HCN4: variants seen among roughly 807,000 people sequenced by gnomAD.
The protein encoded by HCN4 is potassium/sodium hyperpolarization-activated cyclic nucleotide-gated channel 4.
HCN4 carries 29 observed loss-of-function variants against 76.9 expected under a neutral mutation model. The observed-to-expected ratio is 0.38, with a 90% confidence interval of 0.28 to 0.51. The LOEUF (loss-of-function observed/expected upper bound fraction) is 0.51. HCN4 is among the 20% of genes least tolerant of loss of function. The pLI, the probability that HCN4 is intolerant of heterozygous loss-of-function variation, is 0.90. For synonymous variants in HCN4, 772 were observed against 762.5 expected, an observed-to-expected ratio of 1.01 and a Z score of -0.21; for missense variants, 1,416 against 1,715.2, an observed-to-expected ratio of 0.83 and a Z score of 3.08.
At chr15:73,366,707 C>G (rs376988474) in intron 1 of HCN4, among the ~76,000 whole-genome samples, 4 of 152,318 alleles carry the variant, frequency 2.6e-5, no homozygotes, top group East Asian at 3.9e-4. Flanking sequence ...TGGGGACCCA[C>G]GAGTGGCCCA....
intron 1 of HCN4, among the ~76,000 whole-genome samples, chr15:73,366,804 C>A (rs2043130274): frequency 6.6e-6 from 1 of 152,226 alleles, no homozygotes; most frequent in Non-Finnish European, 1.5e-5. Context: ...AGCTGCTCAT[C>A]AGTCAGAACA....
intron 4 of HCN4, among the ~76,000 whole-genome samples, chr15:73,329,216 CGA>C (rs1476131958): frequency 1.3e-5 from 2 of 152,114 alleles, no homozygotes; most frequent in Non-Finnish European, 2.9e-5. Flanking sequence ...AGCAACACCG[CGA>C]GAGTGCGGTC....
At chr15:73,331,990 G>C (rs1441093522) in intron 3 of HCN4, 141 bp downstream of exon 3, 4 of 785,356 alleles carry the variant, frequency 5.1e-6, no homozygotes, top group East Asian at 2.6e-5. Context: ...GTACTGGGTA[G>C]AGCTATGTGC....
In HCN4 at chr15:73,322,915, G is replaced by T; in HGVS notation, c.3178C>A (p.Pro1060Thr). Residue 1060 changes from proline (P) to threonine (T), a missense_variant, in exon 8 of 8, where the codon CCC becomes ACC. Around this residue, in one of 6 missense-constraint regions of HCN4, gnomAD observed 633 missense variants for 579.8 expected, o/e 1.09. Transcript: ENST00000261917. ...CGCTGGGGGACCTGGGGTGGTGGGG[G>T]GCTGGATGCAGGTGGCAGGAGCAAG... The part of the protein sequence containing the change: ...GSLLLPPASS[P>T]PPPQVPQRRG... 3 of 1,401,476 alleles carry T rather than the reference G, an allele frequency of 2.1e-6. No individual in the cohort carries two copies. Among genetic ancestry groups the T allele is most frequent in the Non-Finnish European group, 2.8e-6 (3 of 1,060,192 alleles). 86.8% of individuals were successfully genotyped at this position (1,401,476 alleles called of 1,614,324 possible).
In HCN4 at chr15:73,323,779, C is replaced by T. The variant is rs776635828; in HGVS notation, c.2314G>A (p.Val772Ile). 16 of 1,607,690 alleles carry T rather than the reference C, an allele frequency of 1.0e-5. No homozygotes were observed. The highest frequency in any genetic ancestry group is 1.7e-4 in the Middle Eastern group (1 of 6,054). ...AASATPTPTP[V>I]IWTPLIQAPL... is the part of the protein sequence containing the mutation. ...GCCTGGATCAGCGGGGTCCAGATGACGGGCGTGGGGGTTGGGGTGGCAGAG... is the reference window on the plus strand; with the variant it reads ...GCCTGGATCAGCGGGGTCCAGATGATGGGCGTGGGGGTTGGGGTGGCAGAG... Residue 772 changes from valine (V) to isoleucine (I), a missense_variant, in exon 8 of 8, where the codon GTC becomes ATC. By Grantham distance (29) the Val-to-Ile change is conservative. Around this residue, in one of 6 missense-constraint regions of HCN4, gnomAD observed 241 missense variants for 379.4 expected, o/e 0.64. Coordinates refer to ENST00000261917, the MANE Select transcript of HCN4 (RefSeq NM_005477.3).
Position 73,341,069 on chromosome 15 carries a change from G to GGTGTGTGTGTGTGTGTGTGTGTGT in HCN4, c.1209+2292_1209+2315dup, listed in dbSNP as rs76504723. 5 of 145,902 alleles carry GGTGTGTGTGTGTGTGTGTGTGTGT rather than the reference G, an allele frequency of 3.4e-5. No individual in the cohort carries two copies. The East Asian group carries it at 7.9e-4, about 23-fold the overall frequency. 9.0% of individuals were successfully genotyped at this position (145,902 alleles called of 1,614,324 possible). ...AGACAACTTGGTGGGGAGGGAGGTA[G>GGTGTGTGTGTGTGTGTGTGTGTGT]GTGTGTGTGTGTGTGTGTGTGTGTG... On this transcript the variant is annotated intron_variant, in intron 2 of 7. Transcript: ENST00000261917.
intron 1 of HCN4, among the ~76,000 whole-genome samples, chr15:73,349,211 G>A (rs1431351751): frequency 6.6e-6 from 1 of 152,024 alleles, no homozygotes; most frequent in African/African-American, 2.4e-5. Context: ...CATTCCCTTG[G>A]TTTTCCAGAC....
rs963357522 is a variant in HCN4 at position 73,325,189 on chromosome 15, T to C, written c.1744A>G (p.Ile582Val). 6.2e-7 allele frequency: 1 copy of C among 1,614,070 alleles called. No homozygotes were observed. Among genetic ancestry groups the C allele is most frequent in the Non-Finnish European group, 8.5e-7 (1 of 1,179,960 alleles). ...ACCAGCTTCCGACAGTTAAAGTTGA[T>C]GATCTCCTGCCGGACAGGGTGGATT... ...ELSEPLREEI[I>V]NFNCRKLVAS... Residue 582 changes from isoleucine to valine, a missense_variant, in exon 6 of 8, where the codon ATC becomes GTC. Physicochemically the swap from Ile to Val is conservative, Grantham distance 29 (BLOSUM62 3). Coordinates refer to ENST00000261917, the MANE Select transcript of HCN4 (RefSeq NM_005477.3). This position sits in a 1 kb window ranked among gnomAD's most constrained non-coding sequence, Gnocchi z 7.4.
intron 2 of HCN4, among the ~76,000 whole-genome samples, chr15:73,339,282 C>T (rs769615423): frequency 6.6e-4 from 101 of 152,330 alleles, no homozygotes; most frequent in Non-Finnish European, 1.1e-3. Context: ...AAGAGGCTTG[C>T]ATCCTCCAAG....
chr15:73,368,779 C>CCCGGCCCGT lies in HCN4; in HGVS notation c.-518_-510dup, dbSNP rs988455134. On this transcript the variant is annotated 5_prime_UTR_variant, in exon 1 of 8. Coordinates refer to ENST00000261917, the MANE Select transcript of HCN4 (RefSeq NM_005477.3). The surrounding 1 kb of genome is among the most constrained non-coding windows in gnomAD (Gnocchi z 6.9). ...CGCGAGCTCGCCTCGCCTCCTCTGC[C>CCCGGCCCGT]CCGGCCCGTCCGGCCCGTCCCGGGG... is the stretch of plus-strand genomic sequence containing the variant. 5 of 152,078 alleles carry CCCGGCCCGT rather than the reference C, an allele frequency of 3.3e-5. No individual in the cohort carries two copies. The highest frequency in any genetic ancestry group is 1.2e-4 in the African/African-American group (5 of 41,444). 9.4% of individuals were successfully genotyped at this position (152,078 alleles called of 1,614,324 possible).
intron 1 of HCN4, among the ~76,000 whole-genome samples, chr15:73,360,707 A>C (rs1472069813): frequency 2.0e-5 from 3 of 152,196 alleles, no homozygotes; most frequent in African/African-American, 7.2e-5. Context: ...GCCATCGTGA[A>C]GAATAAATGA....
Position 73,323,410 on chromosome 15 carries a change from G to T in HCN4, c.2683C>A (p.Pro895Thr). 3 of 1,602,454 alleles carry T rather than the reference G, an allele frequency of 1.9e-6. No individual in the cohort carries two copies. The highest frequency in any genetic ancestry group is 1.7e-5 in the Admixed American group (1 of 58,350). Reference sequence around the variant, plus strand: ...GTGGTGGCGGCTACGCCAGCTGATGGTGTGGGAGCCGAGGGGGAGCCACAG... The same window carrying T: ...GTGGTGGCGGCTACGCCAGCTGATGTTGTGGGAGCCGAGGGGGAGCCACAG... ...GACGSPSAPT[P>T]SAGVAATTIA... Residue 895 changes from proline (P) to threonine (T), a missense_variant, in exon 8 of 8, where the codon CCA (proline) becomes ACA (threonine). Pro to Thr is a conservative substitution (Grantham distance 38, BLOSUM62 -1). Coordinates refer to ENST00000261917, the MANE Select transcript of HCN4 (RefSeq NM_005477.3).
At position 73,322,434 on chromosome 15, in the gene HCN4, A is replaced by G; in HGVS notation, c.*47T>C. On this transcript the variant is annotated 3_prime_UTR_variant, in exon 8 of 8. Transcript: ENST00000261917. ...TAATCACAGTTAAACCTGAAGGAAG[A>G]AGGAAGGGAGAGAAAAGAAGAAAGA... The G allele has an allele frequency of 7.0e-7, 1 of 1,420,180 alleles. No homozygotes were observed. The highest frequency in any genetic ancestry group is 9.7e-7 in the Non-Finnish European group (1 of 1,031,542). 88.0% of individuals were successfully genotyped at this position (1,420,180 alleles called of 1,614,324 possible).
In HCN4 at chr15:73,328,437, C is replaced by G. The variant is rs117451366; in HGVS notation, c.1590+1136G>C. On this transcript the variant is annotated intron_variant, in intron 4 of 7. Transcript: ENST00000261917. The surrounding 1 kb of genome is among the most constrained non-coding windows in gnomAD (Gnocchi z 4.0). Reference sequence around the variant, plus strand: ...GAGGAGTTAATCTACATCTTCAGAGCAACGTGAAGTCCCTGAAGAGTTTCA... The same window carrying G: ...GAGGAGTTAATCTACATCTTCAGAGGAACGTGAAGTCCCTGAAGAGTTTCA... 7.8e-3 allele frequency among the ~76,000 whole-genome samples: 1,186 copies of G among 152,026 alleles called. 17 individuals carry two copies. Among genetic ancestry groups the G allele is most frequent in the East Asian group, 0.05 (256 of 5,104 alleles).
chr15:73,343,775 CA>C lies in HCN4; in HGVS notation c.818del (p.Met273ArgfsTer5). 6.2e-7 allele frequency: 1 copy of C among 1,614,112 alleles called. No homozygotes were observed. The highest frequency in any genetic ancestry group is 8.5e-7 in the Non-Finnish European group (1 of 1,180,030). On this transcript the variant is annotated frameshift_variant, in exon 2 of 8. Transcript: ENST00000261917. LOFTEE classifies it high-confidence loss of function. This position sits in a 1 kb window ranked among gnomAD's most constrained non-coding sequence, Gnocchi z 5.7. ...CAGGAATGATAATCAGGTTTCCCAC[CA>C]TCAGCAGCAGCATGGTCAGGTCCCA... ...FYWDLTMLLL[M>X]VGNLIIIPVG...
At position 73,343,622 on chromosome 15, in the gene HCN4, T is replaced by C. The variant is rs747884744; in HGVS notation, c.972A>G (p.Thr324=). The C allele has an allele frequency of 6.2e-7, 1 of 1,614,050 alleles. No individual in the cohort carries two copies. The highest frequency in any genetic ancestry group is 8.5e-7 in the Non-Finnish European group (1 of 1,180,024). Residue 324 remains threonine, a synonymous_variant, in exon 2 of 8, where the codon ACA becomes ACG. Coordinates refer to ENST00000261917, the MANE Select transcript of HCN4 (RefSeq NM_005477.3). This position sits in a 1 kb window ranked among gnomAD's most constrained non-coding sequence, Gnocchi z 5.7. ...FRTGIVVEDN[T]EIILDPQRIK... ...TCCGCTGCGGGTCCAGGATGATCTC[T>C]GTGTTGTCCTCCACCACGATCCCTG...
At chr15:73,366,594 A>G (rs1213909622) in intron 1 of HCN4, among the ~76,000 whole-genome samples, 1 of 152,154 alleles carries the variant, frequency 6.6e-6, no homozygotes, top group Non-Finnish European at 1.5e-5. Context: ...TTGCACAAAT[A>G]TGCCCACAAG....
At position 73,322,844 on chromosome 15, in the gene HCN4, G is replaced by A. The variant is rs757565147; in HGVS notation, c.3249C>T (p.Leu1083=). The A allele has an allele frequency of 2.0e-6, 3 of 1,514,600 alleles. No individual in the cohort carries two copies. Among genetic ancestry groups the A allele is most frequent in the Non-Finnish European group, 2.6e-6 (3 of 1,133,956 alleles). 93.8% of individuals were successfully genotyped at this position (1,514,600 alleles called of 1,614,324 possible). Residue 1083 remains leucine, a synonymous_variant, in exon 8 of 8, where the codon CTC becomes CTT. Coordinates refer to ENST00000261917, the MANE Select transcript of HCN4 (RefSeq NM_005477.3). Reference sequence around the variant, plus strand: ...CTGGCTGAGACGCGGAGATGAGCTTGAGGTCCTGGGTGAGGCGGCCGGGGG... The same window carrying A: ...CTGGCTGAGACGCGGAGATGAGCTTAAGGTCCTGGGTGAGGCGGCCGGGGG... ...PLTPGRLTQD[L]KLISASQPAL...
chr15:73,333,841 T>C (rs1282505182), intron 2 of HCN4, among the ~76,000 whole-genome samples: 5 of 152,202 alleles, frequency 3.3e-5, no homozygotes, highest in Non-Finnish European at 7.3e-5. Context: ...ATCTGTTTTA[T>C]ACCAAGGCTC....
Sources: allele counts gnomAD v4.1 joint callset (sites outside exome capture counted in the v4.1 genomes callset), GRCh38; gene constraint gnomAD v4.1.1; regional missense constraint gnomAD v4.1.1; non-coding constraint Gnocchi (gnomAD v3.1); transcripts MANE v1.5; gene names NCBI Gene and HGNC (gene_info 2026-07-23, HGNC 2026-07-21).